TSHR: variants seen among roughly 807,000 people sequenced by gnomAD.
TSHR encodes thyrotropin receptor.
A neutral mutation model predicts 64.1 loss-of-function variants in TSHR; 51 were observed. The observed-to-expected ratio is 0.80, with a 90% confidence interval of 0.64 to 1.01. The LOEUF is 1.01. Ranked by LOEUF, TSHR falls within the 50% of genes least tolerant of loss-of-function variation. TSHR has a pLI of 0.00. For synonymous variants in TSHR, 361 were observed against 361.9 expected, an observed-to-expected ratio of 1.00 and a Z score of 0.03; for missense variants, 877 against 942.8, an observed-to-expected ratio of 0.93 and a Z score of 0.91.
At chr14:80,956,231 TA>T (rs969144441) in intron 1 of TSHR, among the ~76,000 whole-genome samples, 2 of 152,210 alleles carry the variant, frequency 1.3e-5, no homozygotes, top group Non-Finnish European at 2.9e-5. Flanking sequence ...CCTTGGGTAA[TA>T]AAAAATTGCA....
Position 81,142,956 on chromosome 14 carries a change from A to T in TSHR, c.898A>T (p.Met300Leu), listed in dbSNP as rs1891759481. 1 of 1,614,140 alleles carries T rather than the reference A, an allele frequency of 6.2e-7. No homozygotes were observed. Among genetic ancestry groups the T allele is most frequent in the Non-Finnish European group, 8.5e-7 (1 of 1,180,030 alleles). The change falls in exon 10 of 10, where the codon ATG (methionine) becomes TTG (leucine). Residue 300 changes from methionine (M) to leucine (L), a missense_variant. Transcript: ENST00000298171. Reference protein sequence around the residue: ...KKIRGILESLMCNESSMQSLR... With the variant: ...KKIRGILESLLCNESSMQSLR... The stretch of plus-strand genomic sequence containing the variant: ...GCCTTGCAGAATCCTTGAGTCCTTG[A>T]TGTGTAATGAGAGCAGTATGCAGAG...
intron 1 of TSHR, among the ~76,000 whole-genome samples, chr14:81,021,873 C>G (rs1039811614): frequency 6.6e-6 from 1 of 152,168 alleles, no homozygotes; most frequent in African/African-American, 2.4e-5. Context: ...TACCTATATT[C>G]TTTTCTGAGT....
chr14:81,033,257 T>C, intron 1 of TSHR: 1 of 476,984 alleles, frequency 2.1e-6, no homozygotes, highest in Non-Finnish European at 4.1e-6. Context: ...TACTTGGTAC[T>C]AGATCTTGTC....
chr14:81,081,176 G>A (rs913658269), intron 3 of TSHR, among the ~76,000 whole-genome samples: 7 of 152,048 alleles, frequency 4.6e-5, no homozygotes, highest in Non-Finnish European at 1.0e-4. Context: ...AGCATAGCAT[G>A]ACCCTGACTT....
intron 8 of TSHR, among the ~76,000 whole-genome samples, chr14:81,130,993 G>A (rs1237074531): frequency 1.6e-5 from 1 of 63,418 alleles, no homozygotes; most frequent in Non-Finnish European, 2.4e-5. Context: ...GCGAGACTCC[G>A]TCTCCAAAAA....
intron 8 of TSHR, among the ~76,000 whole-genome samples, chr14:81,129,279 T>C (rs1047174719): frequency 6.6e-6 from 1 of 152,218 alleles, no homozygotes; most frequent in African/African-American, 2.4e-5. Flanking sequence ...ATCTACAGTC[T>C]GTTACTAACA....
At chr14:80,973,824 G>A (rs1411665962) in intron 1 of TSHR, among the ~76,000 whole-genome samples, 1 of 152,068 alleles carries the variant, frequency 6.6e-6, no homozygotes, top group Non-Finnish European at 1.5e-5. Context: ...GCTGTGAATT[G>A]GAAAATGTTT....
chr14:81,033,110 C>A, intron 1 of TSHR: 2 of 355,132 alleles, frequency 5.6e-6, no homozygotes, highest in Non-Finnish European at 5.5e-6. Context: ...GCTGGAAATG[C>A]TGCTCAGAAA....
chr14:81,123,615 T>C (rs986482989), intron 8 of TSHR, among the ~76,000 whole-genome samples: 2 of 152,180 alleles, frequency 1.3e-5, no homozygotes, highest in African/African-American at 2.4e-5. Context: ...GCCATATATA[T>C]TTCTGCCTTA....
intron 8 of TSHR, among the ~76,000 whole-genome samples, chr14:81,117,416 TA>T (rs1394290145): frequency 1.9e-5 from 2 of 107,608 alleles, no homozygotes; most frequent in Non-Finnish European, 3.5e-5. Context: ...TCTACGCAAA[TA>T]AACTAGAAAA....
chr14:81,017,946 C>G (rs1883512331), intron 1 of TSHR, among the ~76,000 whole-genome samples: 1 of 151,596 alleles, frequency 6.6e-6, no homozygotes, highest in African/African-American at 2.4e-5. Context: ...TCTCCTGCCT[C>G]AGCCTCCTGA....
chr14:80,973,902 A>G (rs759012927), intron 1 of TSHR, among the ~76,000 whole-genome samples: 2 of 152,158 alleles, frequency 1.3e-5, no homozygotes, highest in Admixed American at 6.5e-5. Flanking sequence ...ATTTTTCCCC[A>G]ACCTGCTTTA....
chr14:81,053,705 C>T (rs1016826460), intron 1 of TSHR: 1 of 152,066 alleles, frequency 6.6e-6, no homozygotes, highest in African/African-American at 2.4e-5. Context: ...AATCATATTC[C>T]TAGATATTTA....
At chr14:81,004,204 C>A (rs2139764652) in intron 1 of TSHR, among the ~76,000 whole-genome samples, 1 of 152,300 alleles carries the variant, frequency 6.6e-6, no homozygotes, top group East Asian at 1.9e-4. Flanking sequence ...CGTCTCCCCT[C>A]TCCCGACCCC....
chr14:81,050,008 T>C (rs1299462440), intron 1 of TSHR: 1 of 152,182 alleles, frequency 6.6e-6, no homozygotes, highest in East Asian at 1.9e-4. Context: ...TATAATAAAA[T>C]GTTCCCAGTA....
chr14:80,968,931 A>AAGAAGTAATCTTTCTCCTCAGGAACTAG (rs1887450871), intron 1 of TSHR, among the ~76,000 whole-genome samples: 3 of 152,130 alleles, frequency 2.0e-5, no homozygotes, highest in African/African-American at 7.2e-5. Context: ...TTGGAGGAGG[A>AAGAAGTAATCTTTCTCCTCAGGAACTAG]AGAAGTAATC....
At chr14:81,138,356 A>C (rs189771041) in intron 8 of TSHR, among the ~76,000 whole-genome samples, 68 of 151,614 alleles carry the variant, frequency 4.5e-4, no homozygotes, top group African/African-American at 1.5e-3. Flanking sequence ...ATACCCGGCT[A>C]ATTTTTGTGT....
chr14:81,046,166 C>T (rs1885159226), intron 1 of TSHR, among the ~76,000 whole-genome samples: 1 of 152,108 alleles, frequency 6.6e-6, no homozygotes, highest in African/African-American at 2.4e-5. Context: ...CTTCCATAAT[C>T]AGGGAGAAGG....
intron 1 of TSHR, chr14:80,982,127 G>A (rs1353320355): frequency 1.8e-6 from 1 of 569,246 alleles, no homozygotes; most frequent in African/African-American, 1.9e-5. Context: ...CAAAAGACAA[G>A]CCAGGGTCTC....
Sources: allele counts gnomAD v4.1 joint callset (sites outside exome capture counted in the v4.1 genomes callset), GRCh38; gene constraint gnomAD v4.1.1; transcripts MANE v1.5; gene names NCBI Gene and HGNC (gene_info 2026-07-23, HGNC 2026-07-21).